The following CTNNA3 variants were observed in gnomAD, a reference collection of about 807,000 sequenced individuals.
CTNNA3 encodes the protein catenin alpha-3.
CTNNA3 carries 76 observed loss-of-function variants against 95.7 expected under a neutral mutation model. That is an observed-to-expected ratio of 0.79 (90% confidence interval 0.66 to 0.96). CTNNA3 has a LOEUF of 0.96. Among genes scored for constraint, CTNNA3 ranks in the 40% least tolerant of loss-of-function variants. The probability of loss-of-function intolerance (pLI) is 0.00; values close to 1 mark genes in which losing one functional copy is unlikely to be tolerated. For missense variants in CTNNA3, 1,191 were observed against 1,089.8 expected, an observed-to-expected ratio of 1.09 and a Z score of -1.31; for synonymous variants, 431 against 374.4, an observed-to-expected ratio of 1.15 and a Z score of -1.74.
At chr10:66,590,522 C>A (rs191502604) in intron 10 of CTNNA3, among the ~76,000 whole-genome samples, 2 of 151,916 alleles carry the variant, frequency 1.3e-5, no homozygotes, top group African/African-American at 2.4e-5. Context: ...GATTATGATT[C>A]GGTTAAAACA....
chr10:67,144,248 T>G (rs924629896), intron 7 of CTNNA3, among the ~76,000 whole-genome samples: 1 of 152,326 alleles, frequency 6.6e-6, no homozygotes, highest in East Asian at 1.9e-4. Context: ...CTAGGCTTTG[T>G]TGTTTCATTT....
At chr10:67,074,443 C>T (rs570212534) in intron 7 of CTNNA3, among the ~76,000 whole-genome samples, 111 of 147,394 alleles carry the variant, frequency 7.5e-4, no homozygotes, top group African/African-American at 2.7e-3. Context: ...CTCCACCTCC[C>T]GGGTTCACGC....
At chr10:66,913,453 T>C (rs1329963347) in intron 7 of CTNNA3, among the ~76,000 whole-genome samples, 1 of 152,106 alleles carries the variant, frequency 6.6e-6, no homozygotes, top group Non-Finnish European at 1.5e-5. Flanking sequence ...CTGCCATGCC[T>C]GAAATCTGTC....
chr10:66,379,000 C>T, intron 12 of CTNNA3, 152 bp downstream of exon 12: 1 of 632,236 alleles, frequency 1.6e-6, no homozygotes, highest in Non-Finnish European at 2.7e-6. Flanking sequence ...TGATAAATTT[C>T]AAATCGCATA....
At chr10:67,514,215 A>T (rs1490246941) in intron 5 of CTNNA3, among the ~76,000 whole-genome samples, 2 of 152,110 alleles carry the variant, frequency 1.3e-5, no homozygotes, top group Non-Finnish European at 2.9e-5. Context: ...CAAGAGAATC[A>T]CTTGAACCCA....
At chr10:67,382,118 TAACTA>T (rs1768903020) in intron 5 of CTNNA3, among the ~76,000 whole-genome samples, 1 of 152,220 alleles carries the variant, frequency 6.6e-6, no homozygotes, top group South Asian at 2.1e-4. Context: ...TAATTATTTT[TAACTA>T]AACATAGTTA....
Position 66,328,739 on chromosome 10 carries a change from C to G in CTNNA3, c.1733-48118G>C, listed in dbSNP as rs372529918. On this transcript the variant is annotated intron_variant, in intron 12 of 17. Coordinates refer to ENST00000433211, the MANE Select transcript of CTNNA3 (RefSeq NM_013266.4). ...ATGCCTTCTGCAGGCTGGAGACCCA[C>G]TAAATCTGGTCGTATAATTTAACCT... 4.6e-4 allele frequency among the ~76,000 whole-genome samples: 69 copies of G among 151,116 alleles called. 1 individual carries two copies. In the South Asian group the frequency reaches 0.014, roughly 31 times the overall value.
intron 12 of CTNNA3, among the ~76,000 whole-genome samples, chr10:66,370,712 T>G (rs545602371): frequency 1.7e-4 from 26 of 152,192 alleles, no homozygotes; most frequent in East Asian, 5.8e-4. Flanking sequence ...ATTATGATTT[T>G]ATTTTATTTT....
chr10:67,379,463 T>A (rs1843829454), intron 5 of CTNNA3, among the ~76,000 whole-genome samples: 1 of 152,216 alleles, frequency 6.6e-6, no homozygotes, highest in African/African-American at 2.4e-5. Context: ...TAGTTAAATA[T>A]AAACAAGAAT....
chr10:65,961,643 C>T (rs1407310253), intron 17 of CTNNA3, among the ~76,000 whole-genome samples: 1 of 151,964 alleles, frequency 6.6e-6, no homozygotes, highest in Non-Finnish European at 1.5e-5. Context: ...ACTCTGATTA[C>T]ACTGGGGAAA....
At chr10:66,472,584 A>G (rs1020541508) in intron 11 of CTNNA3, among the ~76,000 whole-genome samples, 1 of 151,986 alleles carries the variant, frequency 6.6e-6, no homozygotes, top group Non-Finnish European at 1.5e-5. Context: ...TTATAAAAAT[A>G]TTTTTAAAGT....
chr10:67,585,963 C>T (rs1842611015), intron 3 of CTNNA3, among the ~76,000 whole-genome samples: 1 of 152,028 alleles, frequency 6.6e-6, no homozygotes, highest in Non-Finnish European at 1.5e-5. Context: ...GTATTTAATG[C>T]CATAAACTTC....
At chr10:66,972,472 G>A (rs1276633229) in intron 7 of CTNNA3, among the ~76,000 whole-genome samples, 5 of 151,878 alleles carry the variant, frequency 3.3e-5, no homozygotes, top group African/African-American at 9.7e-5. Flanking sequence ...TTTTATTAAC[G>A]TAAAAATCAT....
intron 5 of CTNNA3, among the ~76,000 whole-genome samples, chr10:67,326,683 A>T (rs941689541): frequency 6.6e-6 from 1 of 151,994 alleles, no homozygotes; most frequent in East Asian, 1.9e-4. Flanking sequence ...AACCATGGAG[A>T]GAATCTGATT....
At chr10:67,673,215 C>T (rs1475395311) in intron 1 of CTNNA3, among the ~76,000 whole-genome samples, 4 of 149,730 alleles carry the variant, frequency 2.7e-5, no homozygotes, top group Non-Finnish European at 6.0e-5. Context: ...GATTTTGTAT[C>T]CTGAGACTTT....
chr10:66,873,478 CT>C (rs1159656244), intron 7 of CTNNA3, among the ~76,000 whole-genome samples: 13 of 150,924 alleles, frequency 8.6e-5, no homozygotes, highest in African/African-American at 2.2e-4. Flanking sequence ...TGACAATGAA[CT>C]TTTTTTTTCA....
chr10:66,106,124 T>C (rs1319808420), intron 13 of CTNNA3, among the ~76,000 whole-genome samples: 1 of 151,774 alleles, frequency 6.6e-6, no homozygotes, highest in Non-Finnish European at 1.5e-5. Flanking sequence ...GGAGAATTGC[T>C]TGAATCCAGG....
intron 17 of CTNNA3, among the ~76,000 whole-genome samples, chr10:65,947,507 T>C (rs775855034): frequency 6.6e-6 from 1 of 152,172 alleles, no homozygotes; most frequent in Non-Finnish European, 1.5e-5. Flanking sequence ...TTACGTGTAG[T>C]AGAATTTCCC....
chr10:66,350,693 C>A (rs576217359), intron 12 of CTNNA3, among the ~76,000 whole-genome samples: 100 of 151,512 alleles, frequency 6.6e-4, no homozygotes, highest in African/African-American at 2.3e-3. Flanking sequence ...CAACACATGA[C>A]AGAATCAATG....
Sources: allele counts gnomAD v4.1 joint callset (sites outside exome capture counted in the v4.1 genomes callset), GRCh38; gene constraint gnomAD v4.1.1; transcripts MANE v1.5; gene names NCBI Gene and HGNC (gene_info 2026-07-23, HGNC 2026-07-21).